Variants in KLHL13 observed in about 807,000 individuals in gnomAD.
KLHL13 encodes the protein kelch like family member 13.
Under a neutral mutation model 37.1 loss-of-function variants are expected in KLHL13, and 10 were observed. The observed-to-expected ratio is 0.27, with a 90% CI of 0.17 to 0.46. The LOEUF is 0.46. Among genes scored for constraint, KLHL13 ranks in the 20% least tolerant of loss-of-function variants. The probability of loss-of-function intolerance (pLI) is 1.00; values close to 1 mark genes in which losing one functional copy is unlikely to be tolerated. For synonymous variants in KLHL13, 163 were observed against 181.2 expected (o/e 0.90, Z 0.81); for missense variants, 360 against 509.3 (o/e 0.71, Z 2.82).
chrX:117,916,741 A>C (rs1931390418), intron 4 of KLHL13, among the ~76,000 whole-genome samples: 1 of 112,451 alleles, frequency 8.9e-6, no homozygotes, highest in Admixed American at 9.4e-5. Flanking sequence ...ACAGAATTGT[A>C]TTAGAAGGGA....
intron 1 of KLHL13, among the ~76,000 whole-genome samples, chrX:118,056,095 T>A (rs1327712581): frequency 9.0e-6 from 1 of 111,677 alleles, no homozygotes; most frequent in South Asian, 3.8e-4. Context: ...TGGAAGACTA[T>A]TAGAAGTAAA....
chrX:118,110,761 C>T (rs751587778), intron 1 of KLHL13, among the ~76,000 whole-genome samples: 64 of 111,773 alleles, frequency 5.7e-4, no homozygotes, highest in African/African-American at 1.9e-3. Flanking sequence ...TGTCTAATCA[C>T]ATTAAATAAG....
intron 1 of KLHL13, among the ~76,000 whole-genome samples, chrX:118,093,056 ATT>A (rs1192148437): frequency 9.0e-6 from 1 of 111,636 alleles, no homozygotes; most frequent in Non-Finnish European, 1.9e-5. Context: ...CTTCTTTTTC[ATT>A]TTCTTTAATT....
At chrX:117,949,496 T>C (rs1331331620) in intron 1 of KLHL13, among the ~76,000 whole-genome samples, 1 of 111,302 alleles carries the variant, frequency 9.0e-6, no homozygotes, top group Non-Finnish European at 1.9e-5. Flanking sequence ...CATATACTCT[T>C]AGAATTCATT....
At chrX:118,090,117 C>T (rs1324517846) in intron 1 of KLHL13, among the ~76,000 whole-genome samples, 7 of 105,525 alleles carry the variant, frequency 6.6e-5, no homozygotes, top group South Asian at 4.2e-4. Flanking sequence ...CCCTTCCTTA[C>T]ACCTTATACT....
chrX:117,905,070 G>C (rs1211175455), intron 5 of KLHL13, among the ~76,000 whole-genome samples: 2 of 111,230 alleles, frequency 1.8e-5, no homozygotes, highest in Non-Finnish European at 3.8e-5. Context: ...AACAGTGATG[G>C]CTGTCATACA....
Position 117,964,932 on chromosome X carries a change from G to A in KLHL13, c.98+7799C>T, listed in dbSNP as rs752205339. ...GGACATGAACTCATCATTTTTTATG[G>A]CTGCATAGTATTCCATGGTGTATAT... On this transcript the variant is annotated intron_variant, in intron 1 of 6. Transcript: ENST00000262820. Among the ~76,000 whole-genome samples the A allele has an allele frequency of 1.2e-4, 13 of 111,503 alleles. No individual in the cohort carries two copies. The South Asian group carries it at 4.5e-3, about 39-fold the overall frequency.
At chrX:117,999,708 AAAATAAAT>A (rs200561523) in intron 1 of KLHL13, among the ~76,000 whole-genome samples, 48 of 110,190 alleles carry the variant, frequency 4.4e-4, no homozygotes, top group African/African-American at 1.5e-3. Flanking sequence ...AAATCTATTA[AAAATAAAT>A]AAATAAATAA....
intron 1 of KLHL13, among the ~76,000 whole-genome samples, chrX:117,959,757 T>A (rs1414432679): frequency 9.0e-6 from 1 of 111,627 alleles, no homozygotes; most frequent in Non-Finnish European, 1.9e-5. Flanking sequence ...GATGTCAAGG[T>A]CTTATCTCAT....
chrX:118,096,572 C>T (rs2055208768), intron 1 of KLHL13, among the ~76,000 whole-genome samples: 2 of 111,707 alleles, frequency 1.8e-5, no homozygotes, highest in African/African-American at 6.5e-5. Flanking sequence ...CTCCCTAACT[C>T]TTTGATGAGG....
At chrX:118,039,723 C>T (rs1317546608) in intron 1 of KLHL13, among the ~76,000 whole-genome samples, 2 of 111,489 alleles carry the variant, frequency 1.8e-5, no homozygotes, top group Non-Finnish European at 3.8e-5. Flanking sequence ...TTGTAGAGCA[C>T]TTGGGCCTTG....
At chrX:118,088,797 C>A (rs2055083340) in intron 1 of KLHL13, among the ~76,000 whole-genome samples, 1 of 111,567 alleles carries the variant, frequency 9.0e-6, no homozygotes, top group African/African-American at 3.3e-5. Context: ...CAAAATATGG[C>A]TAACAATCAT....
chrX:117,903,174 G>GCAC (rs1569409194), intron 5 of KLHL13, among the ~76,000 whole-genome samples: 1,005 of 91,499 alleles, frequency 0.011, 7 homozygotes, highest in Middle Eastern at 0.021. Flanking sequence ...AGAGAGAGAG[G>GCAC]AGAGCGAGAG....
chrX:117,901,283 G>A (rs1222873537), intron 6 of KLHL13, among the ~76,000 whole-genome samples: 1 of 111,001 alleles, frequency 9.0e-6, no homozygotes, highest in African/African-American at 3.3e-5. Context: ...TGAATTAATT[G>A]TTGCTACAGA....
At chrX:117,983,455 GA>G in intron 1 of KLHL13, 2 of 1,028,489 alleles carry the variant, frequency 1.9e-6, no homozygotes, top group Non-Finnish European at 2.6e-6. Context: ...AAAAGGTGAG[GA>G]AAAATGTAGA....
chrX:118,002,726 G>C (rs773120512), intron 1 of KLHL13, among the ~76,000 whole-genome samples: 1 of 111,404 alleles, frequency 9.0e-6, no homozygotes, highest in African/African-American at 3.3e-5. Flanking sequence ...CAAAGGCACA[G>C]AGAAGGGCCT....
chrX:117,954,114 G>A (rs1933782922), intron 1 of KLHL13, among the ~76,000 whole-genome samples: 2 of 111,523 alleles, frequency 1.8e-5, no homozygotes, highest in African/African-American at 3.3e-5. Context: ...AACTATAACA[G>A]GATGAAAGTT....
chrX:117,914,683 C>T (rs1318820408), intron 4 of KLHL13, among the ~76,000 whole-genome samples: 3 of 112,177 alleles, frequency 2.7e-5, no homozygotes, highest in Non-Finnish European at 3.8e-5. Flanking sequence ...CTCTCTCTTT[C>T]AGTCTTTGTC....
rs190460132 is a variant in KLHL13, at chrX:117,990,471, T to C, written c.-55-44896A>G. Among the ~76,000 whole-genome samples, 303 of 112,349 alleles carry C rather than the reference T, an allele frequency of 2.7e-3. 1 individual carries two copies. Among genetic ancestry groups the C allele is most frequent in the African/African-American group, 9.2e-3 (285 of 30,947 alleles). ...TATTGAAAAATGAAACAATATCTCCTAAAAGCAGTCATTTTGTGGACTGGT... is the reference window on the plus strand; with the variant it reads ...TATTGAAAAATGAAACAATATCTCCCAAAAGCAGTCATTTTGTGGACTGGT... On this transcript the variant is annotated intron_variant, in intron 1 of 6. Transcript: ENST00000371882.
Sources: gnomAD v4.1 joint callset for allele counts (sites outside exome capture counted in the v4.1 genomes callset) on GRCh38, gnomAD v4.1.1 for gene constraint, MANE v1.5 for transcripts, NCBI Gene and HGNC (gene_info 2026-07-23, HGNC 2026-07-21) for gene names.